ZIC3: variants seen among roughly 807,000 people sequenced by gnomAD.
ZIC3 encodes zinc finger protein ZIC 3.
In ZIC3, 6 loss-of-function variants were observed where a neutral mutation model predicts 18.3. That is an observed-to-expected ratio of 0.33 (90% CI 0.18 to 0.65). ZIC3 has a LOEUF of 0.65. ZIC3 is among the 30% of genes least tolerant of loss of function. The pLI is 0.75. For synonymous variants in ZIC3, 175 were observed against 177.0 expected (o/e 0.99, Z 0.09); for missense variants, 260 against 410.0 (o/e 0.63, Z 3.16).
At chrX:137,574,261 CCTCT>C (rs561775567), downstream of ZIC3, 4 of 113,502 alleles carry the variant, frequency 3.5e-5, no homozygotes, top group South Asian at 1.1e-3. Flanking sequence ...CAGCGAACGT[CCTCT>C]CTCGCTCGGC....
chrX:137,567,890 C>G, intron 1 of ZIC3, 139 bp downstream of exon 1: 2 of 1,058,719 alleles, frequency 1.9e-6, no homozygotes, highest in Non-Finnish European at 2.6e-6. Flanking sequence ...GAAGCGCTGT[C>G]AGTGACCATC....
chrX:137,574,602 G>GCGCACACTTCGCAGC (rs1768257693), downstream of ZIC3, among the ~76,000 whole-genome samples: 1 of 113,099 alleles, frequency 8.8e-6, no homozygotes, highest in South Asian at 3.6e-4. Context: ...CCGCGCGCAG[G>GCGCACACTTCGCAGC]CGCACACTTC....
rs771172525 is a variant in ZIC3 at position 137,571,879 on chromosome X, T to G, written c.*1809T>G. Among the ~76,000 whole-genome samples, 5 of 111,937 alleles carry G rather than the reference T, an allele frequency of 4.5e-5. No homozygotes were observed. Among genetic ancestry groups the G allele is most frequent in the African/African-American group, 1.6e-4 (5 of 30,877 alleles). On this transcript the variant is annotated 3_prime_UTR_variant, in exon 3 of 3. Transcript: ENST00000287538. ...TTTTTATTAGGGTGCTGTTTGTTAT[T>G]GAGAGCCCAATCTCTGCATGAATAA... is the stretch of plus-strand genomic sequence containing the variant.
chrX:137,576,976 T>G (rs1362914962), downstream of ZIC3: 1 of 414,984 alleles, frequency 2.4e-6, no homozygotes, highest in Non-Finnish European at 4.3e-6. Flanking sequence ...GAATTTGAGG[T>G]GTTAAAAATA....
chrX:137,574,174 A>C (rs1031027759), downstream of ZIC3: 1 of 113,047 alleles, frequency 8.8e-6, no homozygotes, highest in Non-Finnish European at 1.9e-5. Context: ...GTTCAATTCA[A>C]TTTTCTAAAG....
chrX:137,568,720 CAA>C, intron 1 of ZIC3, 180 bp from the exon 2 acceptor site: 1 of 264,820 alleles, frequency 3.8e-6, no homozygotes, highest in Non-Finnish European at 6.8e-6. Context: ...CCACCACTCC[CAA>C]ACCCAGCGGG....
In ZIC3 at chrX:137,567,311, C is replaced by G; in HGVS notation, c.620C>G (p.Thr207Arg). 8.3e-7 allele frequency: 1 copy of G among 1,211,445 alleles called. No individual in the cohort carries two copies. Residue 207 changes from threonine (T) to arginine (R), a missense_variant, in exon 1 of 3, where the codon ACG becomes AGG. Physicochemically the swap from Thr to Arg is moderately conservative, Grantham distance 71 (BLOSUM62 -1). Around this residue, in one of 4 missense-constraint regions of ZIC3, gnomAD observed 183 missense variants for 223.8 expected, o/e 0.82. Transcript: ENST00000287538. ...TACCGCCCAGTGGCCAGCCCGCGCA[C>G]GGACCCCTACGCGGCCGGCGCTCAG... ...DPYRPVASPR[T>R]DPYAAGAQFP...
chrX:137,572,193 CTT>C (rs1329487541), downstream of ZIC3, among the ~76,000 whole-genome samples: 10 of 112,102 alleles, frequency 8.9e-5, no homozygotes, highest in African/African-American at 3.2e-4. Context: ...TTAAAAGAAA[CTT>C]TGATTCTGTG....
chrX:137,577,131 G>C lies in ZIC3; in HGVS notation c.1234G>C (p.Ala412Pro). Reference sequence around the variant, plus strand: ...TTTGTTTTTTTGCCAGTGTTGTCCTGCTTGGTATCCGGGACAGTCTCTAAT... The same window carrying C: ...TTTGTTTTTTTGCCAGTGTTGTCCTCCTTGGTATCCGGGACAGTCTCTAAT... Residue 412 changes from alanine (A) to proline (P), a missense_variant, in exon 3 of 3, where the codon GCT (alanine) becomes CCT (proline). Coordinates refer to the ZIC3 transcript ENST00000370606. 4 of 521,681 alleles carry C rather than the reference G, an allele frequency of 7.7e-6. No individual in the cohort carries two copies. The Admixed American group carries it at 1.1e-4, about 14-fold the overall frequency. 43.0% of individuals were successfully genotyped at this position (521,681 alleles called of 1,213,427 possible). A position where few individuals can be genotyped will look rare whatever the true frequency, so the allele number is the denominator to read the frequency against.
chrX:137,576,069 T>TTC (rs1556031428), downstream of ZIC3, among the ~76,000 whole-genome samples: 1 of 109,520 alleles, frequency 9.1e-6, no homozygotes, highest in African/African-American at 3.3e-5. Context: ...TTTTTTTTTT[T>TTC]CTGTGGGTGA....
intron 1 of ZIC3, 152 bp from the exon 2 acceptor site, chrX:137,568,750 A>C: frequency 4.6e-6 from 2 of 437,747 alleles, no homozygotes; most frequent in Non-Finnish European, 3.7e-6. Context: ...TACGCTCTTC[A>C]TTTCTCTCCA....
In ZIC3 at chrX:137,567,697, G is replaced by A. The variant is rs1474420006; in HGVS notation, c.1006G>A (p.Gly336Arg). 1.6e-6 allele frequency: 2 copies of A among 1,212,420 alleles called. No homozygotes were observed. The stretch of plus-strand genomic sequence containing the variant: ...CTTCCCATGCCCCTTCCCGGGCTGC[G>A]GGAAGATCTTTGCCCGTTCTGAGAA... Reference protein sequence around the residue: ...KPFPCPFPGCGKIFARSENLK... With the variant: ...KPFPCPFPGCRKIFARSENLK... The change falls in exon 1 of 3, where the codon GGG (glycine) becomes AGG (arginine). Residue 336 changes from glycine (G) to arginine (R), a missense_variant. Physicochemically the swap from Gly to Arg is moderately radical, Grantham distance 125 (BLOSUM62 -2). Transcript: ENST00000287538.
In ZIC3 at chrX:137,566,943, C is replaced by T. The variant is rs746180463; in HGVS notation, c.252C>T (p.Ala84=). The T allele has an allele frequency of 1.7e-6, 2 of 1,166,086 alleles. No homozygotes were observed. Among genetic ancestry groups the T allele is most frequent in the Middle Eastern group, 2.3e-4 (1 of 4,307 alleles). ...FTPQGSGYAN[A]LGHHHHHHHH... ...CGCAGGGTTCGGGCTACGCCAACGC[C>T]CTGGGCCACCATCACCACCACCATC... is the stretch of plus-strand genomic sequence containing the variant. Residue 84 remains alanine, a synonymous_variant, in exon 1 of 3, where the codon GCC becomes GCT. Transcript: ENST00000287538.
At chrX:137,568,372 ATCTATCTATCTAT>A (rs1352334157) in intron 1 of ZIC3, among the ~76,000 whole-genome samples, 1 of 109,872 alleles carries the variant, frequency 9.1e-6, no homozygotes, top group African/African-American at 3.3e-5. Context: ...CTATCTATCT[ATCTATCTATCTAT>A]ATTTTTTTCC....
chrX:137,568,334 C>G (rs770910629), intron 1 of ZIC3, among the ~76,000 whole-genome samples: 163 of 63,396 alleles, frequency 2.6e-3, no homozygotes, highest in South Asian at 4.0e-3. Flanking sequence ...CCCCCTGGAT[C>G]GATCGATCTA....
downstream of ZIC3, among the ~76,000 whole-genome samples, chrX:137,575,050 G>A (rs899449324): frequency 3.8e-4 from 43 of 111,756 alleles, no homozygotes; most frequent in Non-Finnish European, 7.5e-4. Context: ...GACCTAAAAC[G>A]CCCCCTCCGG....
rs1931343118 is a variant in ZIC3 at position 137,566,582 on chromosome X, G to A, written c.-110G>A. The A allele has an allele frequency of 8.8e-7, 1 of 1,140,673 alleles. No individual in the cohort carries two copies. The highest frequency in any genetic ancestry group is 1.2e-6 in the Non-Finnish European group (1 of 862,662). 94.0% of individuals were successfully genotyped at this position (1,140,673 alleles called of 1,213,427 possible). ...GTAGCGCCTTGGGGGTCTCCCCGCA[G>A]TGTCCAACCGCCGCCACCCCTTTCC... On this transcript the variant is annotated 5_prime_UTR_variant, in exon 1 of 3. In the 5' UTR this introduces an upstream ATG that the reference lacks. Coordinates refer to ENST00000287538, the MANE Select transcript of ZIC3 (RefSeq NM_003413.4).
chrX:137,574,196 G>A (rs1159323850), downstream of ZIC3: 1 of 113,647 alleles, frequency 8.8e-6, no homozygotes, highest in Non-Finnish European at 1.9e-5. Flanking sequence ...GGTGGGGGTT[G>A]GGGGCAGGGA....
chrX:137,577,337 A>G, exon 3 of ZIC3: 5 of 405,413 alleles, frequency 1.2e-5, no homozygotes, highest in Non-Finnish European at 2.2e-5. Flanking sequence ...TTTTAAGAGT[A>G]GTAGCTTCTT....
Sources: allele counts gnomAD v4.1 joint callset (sites outside exome capture counted in the v4.1 genomes callset), GRCh38; gene constraint gnomAD v4.1.1; regional missense constraint gnomAD v4.1.1; transcripts MANE v1.5; gene names NCBI Gene and HGNC (gene_info 2026-07-23, HGNC 2026-07-21).